The following SLC9A2 variants were observed in gnomAD, a reference collection of about 807,000 sequenced individuals.
The protein encoded by SLC9A2 is solute carrier family 9 member A2, also known as sodium/hydrogen exchanger 2.
SLC9A2 carries 42 observed loss-of-function variants against 71.7 expected under a neutral mutation model. The observed-to-expected ratio is 0.59, with a 90% CI of 0.46 to 0.76. SLC9A2 has a LOEUF of 0.76. SLC9A2 is among the 30% of genes least tolerant of loss of function. SLC9A2 has a pLI of 0.00. For synonymous variants in SLC9A2, 396 were observed against 392.5 expected, an observed-to-expected ratio of 1.01 and a Z score of -0.10; for missense variants, 829 against 1,017.4, an observed-to-expected ratio of 0.81 and a Z score of 2.52.
intron 2 of SLC9A2, 52 bp from the exon 3 acceptor site, chr2:102,665,048 C>T: frequency 6.4e-7 from 1 of 1,569,566 alleles, no homozygotes; most frequent in Non-Finnish European, 8.6e-7. Flanking sequence ...CCCAGAGTGA[C>T]AATGGGGAAA....
chr2:102,702,451 T>A lies in SLC9A2; in HGVS notation c.1794T>A (p.Thr598=), dbSNP rs754224250. 14 of 1,604,350 alleles carry A rather than the reference T, an allele frequency of 8.7e-6. No homozygotes were observed. In the South Asian group the frequency reaches 1.6e-4, roughly 18 times the overall value. The change falls in exon 9 of 12, where the codon ACT becomes ACA. Residue 598 remains threonine (T), a synonymous_variant. Transcript: ENST00000233969. ...EKIRKVTSSE[T]DEIRELLSRN... ...TAAGGAAGGTCACGTCCAGTGAAAC[T>A]GATGAAATTCGAGAACTCTTATCAA...
At chr2:102,636,299 TG>T (rs1474226906) in intron 1 of SLC9A2, among the ~76,000 whole-genome samples, 4 of 152,190 alleles carry the variant, frequency 2.6e-5, no homozygotes, top group Non-Finnish European at 5.9e-5. Context: ...TTTTACCAAA[TG>T]GGATAGTTTC....
At chr2:102,625,575 G>T (rs1676231685) in intron 1 of SLC9A2, among the ~76,000 whole-genome samples, 1 of 151,046 alleles carries the variant, frequency 6.6e-6, no homozygotes, top group South Asian at 2.1e-4. Flanking sequence ...GAGGTGTTTG[G>T]TTTTTTGTTC....
At chr2:102,663,726 G>A (rs777847005) in intron 2 of SLC9A2, among the ~76,000 whole-genome samples, 3 of 152,164 alleles carry the variant, frequency 2.0e-5, no homozygotes, top group Admixed American at 6.5e-5. Context: ...TCTCCCTAAC[G>A]TCCTTATCAG....
intron 1 of SLC9A2, among the ~76,000 whole-genome samples, chr2:102,623,636 G>T (rs1168045289): frequency 6.6e-6 from 1 of 152,162 alleles, no homozygotes; most frequent in African/African-American, 2.4e-5. Flanking sequence ...GCTCATATTT[G>T]GGAATGAAGA....
intron 9 of SLC9A2, among the ~76,000 whole-genome samples, chr2:102,703,642 C>A (rs1253955769): frequency 6.6e-6 from 1 of 152,160 alleles, no homozygotes; most frequent in Non-Finnish European, 1.5e-5. Context: ...AGGAATGAAG[C>A]CTTGTTCTGT....
At chr2:102,676,480 A>T (rs1463502171) in intron 3 of SLC9A2, among the ~76,000 whole-genome samples, 2 of 152,246 alleles carry the variant, frequency 1.3e-5, no homozygotes, top group East Asian at 1.9e-4. Context: ...AAAAAGTTGC[A>T]GAGAATTTAT....
intron 1 of SLC9A2, among the ~76,000 whole-genome samples, chr2:102,620,646 C>A (rs895425338): frequency 1.3e-5 from 2 of 152,166 alleles, no homozygotes; most frequent in East Asian, 3.9e-4. Flanking sequence ...GCAATAGGAA[C>A]GCCCTTTCTC....
intron 1 of SLC9A2, among the ~76,000 whole-genome samples, chr2:102,625,918 C>G (rs1009672744): frequency 1.2e-4 from 18 of 152,298 alleles, no homozygotes; most frequent in African/African-American, 4.3e-4. Flanking sequence ...AATGGTTGAA[C>G]TAGTTTACAG....
At chr2:102,687,705 G>A (rs1387227105) in intron 5 of SLC9A2, among the ~76,000 whole-genome samples, 1 of 151,964 alleles carries the variant, frequency 6.6e-6, no homozygotes, top group Non-Finnish European at 1.5e-5. Context: ...TGTTTGAATC[G>A]TGTTGCTTCT....
intron 1 of SLC9A2, among the ~76,000 whole-genome samples, chr2:102,635,234 A>G (rs899913891): frequency 1.3e-5 from 2 of 152,200 alleles, no homozygotes; most frequent in African/African-American, 2.4e-5. Context: ...AGGAGAAATG[A>G]TACTGAAAAA....
chr2:102,667,817 C>T (rs1266203310), intron 3 of SLC9A2, among the ~76,000 whole-genome samples: 2 of 152,052 alleles, frequency 1.3e-5, no homozygotes, highest in Admixed American at 6.5e-5. Flanking sequence ...TGCCTGTAAT[C>T]CCAGCACTTT....
At chr2:102,674,585 T>C (rs530120364) in intron 3 of SLC9A2, among the ~76,000 whole-genome samples, 1 of 152,258 alleles carries the variant, frequency 6.6e-6, no homozygotes, top group Admixed American at 6.5e-5. Flanking sequence ...GTCCTCACAG[T>C]TAATCCCCCG....
intron 5 of SLC9A2, among the ~76,000 whole-genome samples, chr2:102,692,154 G>A (rs975839709): frequency 6.6e-6 from 1 of 152,168 alleles, no homozygotes; most frequent in African/African-American, 2.4e-5. Flanking sequence ...TTGGAAAACT[G>A]CTATTACCTT....
chr2:102,705,939 A>G lies in SLC9A2; in HGVS notation c.2068+3A>G. On this transcript the variant is annotated splice_donor_region_variant and intron_variant, in intron 11 of 11. Coordinates refer to ENST00000233969, the MANE Select transcript of SLC9A2 (RefSeq NM_003048.6). Reference sequence around the variant, plus strand: ...GAGGAGGACTATTTCTATTGCAGGTAGTGAATATAGTTGGAGCAGAAAAAT... The same window carrying G: ...GAGGAGGACTATTTCTATTGCAGGTGGTGAATATAGTTGGAGCAGAAAAAT... The G allele has an allele frequency of 6.5e-7, 1 of 1,544,212 alleles. No homozygotes were observed. Among genetic ancestry groups the G allele is most frequent in the Non-Finnish European group, 8.8e-7 (1 of 1,132,500 alleles).
In SLC9A2 at chr2:102,708,705, GGTAGCAATC is replaced by G; in HGVS notation, c.*220_*228del. 1.9e-6 allele frequency: 1 copy of G among 513,340 alleles called. No homozygotes were observed. The allele number at this position is 513,340 out of a possible 1,614,324, so 31.8% of individuals were successfully genotyped here. ...CACAAAATACCTTTTGTGACTAATGGGTAGCAATCGTATTATTTGCTGGCCTGAAGAGAA... is the reference window on the plus strand; with the variant it reads ...CACAAAATACCTTTTGTGACTAATGGGTATTATTTGCTGGCCTGAAGAGAA... On this transcript the variant is annotated 3_prime_UTR_variant, in exon 12 of 12. Coordinates refer to ENST00000233969, the MANE Select transcript of SLC9A2 (RefSeq NM_003048.6).
At chr2:102,671,896 A>G (rs192905778) in intron 3 of SLC9A2, among the ~76,000 whole-genome samples, 328 of 152,272 alleles carry the variant, frequency 2.2e-3, no homozygotes, top group Non-Finnish European at 3.9e-3. Flanking sequence ...ACTTGAGGTC[A>G]GGAGTTTGAG....
intron 1 of SLC9A2, among the ~76,000 whole-genome samples, chr2:102,630,992 A>C (rs1455055594): frequency 6.6e-6 from 1 of 152,078 alleles, no homozygotes; most frequent in Non-Finnish European, 1.5e-5. Context: ...TTATGAGCTT[A>C]ACTTCAGCAG....
At chr2:102,678,518 T>G (rs1326279249) in intron 3 of SLC9A2, among the ~76,000 whole-genome samples, 1 of 152,190 alleles carries the variant, frequency 6.6e-6, no homozygotes, top group East Asian at 1.9e-4. Context: ...GTTATTATTT[T>G]GTTGGGGACA....
Sources: gnomAD v4.1 joint callset for allele counts (sites outside exome capture counted in the v4.1 genomes callset) on GRCh38, gnomAD v4.1.1 for gene constraint, MANE v1.5 for transcripts, NCBI Gene and HGNC (gene_info 2026-07-23, HGNC 2026-07-21) for gene names.